Variants in ZNF836 observed in about 807,000 individuals in gnomAD.
The protein encoded by ZNF836 is zinc finger protein 836.
In ZNF836, 12 loss-of-function variants were observed where a neutral mutation model predicts 7.4. The ratio of observed to expected loss-of-function variants is 1.61; its 90% CI spans 1.03 to 2.61. The LOEUF (loss-of-function observed/expected upper bound fraction) is 2.61, where lower values mean the gene tolerates loss of function less well. ZNF836 is among the 30% of genes most tolerant of loss of function. ZNF836 has a pLI of 0.00. For missense variants in ZNF836, 998 were observed against 1,126.2 expected (o/e 0.89, Z 1.63); for synonymous variants, 365 against 382.6 (o/e 0.95, Z 0.54).
At chr19:52,162,803 C>T (rs1042534965) in intron 3 of ZNF836, among the ~76,000 whole-genome samples, 1 of 152,214 alleles carries the variant, frequency 6.6e-6, no homozygotes, top group Admixed American at 6.5e-5. Flanking sequence ...TGACGGCCCT[C>T]AGCAAACCTT....
intron 3 of ZNF836, among the ~76,000 whole-genome samples, chr19:52,164,448 A>AG (rs2089243212): frequency 1.1e-4 from 14 of 122,504 alleles, no homozygotes; most frequent in African/African-American, 4.5e-4. Flanking sequence ...AGAGAGAGAG[A>AG]AAAGGAAGGA....
At chr19:52,168,840 C>T (rs560557249) in intron 2 of ZNF836, among the ~76,000 whole-genome samples, 6 of 152,156 alleles carry the variant, frequency 3.9e-5, no homozygotes, top group East Asian at 3.9e-4. Context: ...GAAGACATTA[C>T]GCTAGGTGAA....
intron 3 of ZNF836, 44 bp downstream of exon 3, chr19:52,168,014 A>C: frequency 6.8e-7 from 1 of 1,479,474 alleles, no homozygotes; most frequent in Non-Finnish European, 9.4e-7. Flanking sequence ...GTCGCATTTC[A>C]AAAAGGAAGG....
chr19:52,164,357 C>T (rs1237992767), intron 3 of ZNF836, among the ~76,000 whole-genome samples: 1 of 143,664 alleles, frequency 7.0e-6, no homozygotes, highest in Non-Finnish European at 1.5e-5. Context: ...CGCACCATCG[C>T]ACTCCAGCCC....
At chr19:52,162,004 C>G (rs1006589094) in intron 3 of ZNF836, among the ~76,000 whole-genome samples, 3 of 152,162 alleles carry the variant, frequency 2.0e-5, no homozygotes, top group African/African-American at 4.8e-5. Flanking sequence ...AGGCTGAAAC[C>G]CAACAGGGCA....
In ZNF836 at chr19:52,155,801, G is replaced by A; in HGVS notation, c.1882C>T (p.His628Tyr). The A allele has an allele frequency of 6.2e-7, 1 of 1,614,008 alleles. No homozygotes were observed. Among genetic ancestry groups the A allele is most frequent in the Non-Finnish European group, 8.5e-7 (1 of 1,179,892 alleles). ...TTCTCTCCAGTATGAATTCTCTTAT[G>A]ATTTGAAAGGTTTCCACTGTCATTG... is the stretch of plus-strand genomic sequence containing the variant. ...VFNDSGNLSN[H>Y]KRIHTGEKPF... is the part of the protein sequence containing the mutation. Residue 628 changes from histidine (H) to tyrosine (Y), a missense_variant, in exon 5 of 5, where the codon CAT becomes TAT. Physicochemically the swap from His to Tyr is moderately conservative, Grantham distance 83. Coordinates refer to ENST00000682614, the MANE Select transcript of ZNF836 (RefSeq NM_001102657.3).
At chr19:52,169,350 C>T (rs539541706) in intron 2 of ZNF836, among the ~76,000 whole-genome samples, 1 of 152,142 alleles carries the variant, frequency 6.6e-6, no homozygotes, top group Non-Finnish European at 1.5e-5. Context: ...GAGGCCGAGG[C>T]CGGCAGATCA....
At position 52,156,843 on chromosome 19, in the gene ZNF836, G is replaced by A. The variant is rs1311318338; in HGVS notation, c.840C>T (p.Gly280=). 6.2e-7 allele frequency: 1 copy of A among 1,614,184 alleles called. No individual in the cohort carries two copies. Among genetic ancestry groups the A allele is most frequent in the East Asian group, 2.2e-5 (1 of 44,878 alleles). Residue 280 remains glycine (G), a synonymous_variant, in exon 5 of 5, where the codon GGC becomes GGT. Transcript: ENST00000682614. ...GATCTGAATTTTGTCTGAAGATCTT[G>A]CCACATACACCACATTGATATGGCT... ...RGKPYQCGVC[G]KIFRQNSDLV... is the part of the protein sequence containing the mutation.
chr19:52,157,772 T>C (rs956082271), intron 4 of ZNF836, among the ~76,000 whole-genome samples: 1 of 152,052 alleles, frequency 6.6e-6, no homozygotes, highest in African/African-American at 2.4e-5. Context: ...GGTTTCCCCA[T>C]ATTGGCCAGG....
At chr19:52,160,662 G>A in intron 3 of ZNF836, 71 bp from the exon 4 acceptor site, 1 of 1,504,508 alleles carries the variant, frequency 6.6e-7, no homozygotes, top group African/African-American at 1.4e-5. Flanking sequence ...GAGAAGAGGA[G>A]AGAACTGTCA....
chr19:52,160,435 T>A lies in ZNF836; in HGVS notation c.142+30A>T, dbSNP rs199551013. The A allele has an allele frequency of 3.0e-5, 48 of 1,613,994 alleles. No individual in the cohort carries two copies. In the East Asian group the frequency reaches 1.1e-3, roughly 36 times the overall value. On this transcript the variant is annotated intron_variant, in intron 4 of 4. Coordinates refer to ENST00000682614, the MANE Select transcript of ZNF836 (RefSeq NM_001102657.3). ...AAATACAAAAATACACGAGGGCAGA[T>A]CTTAACTTCTAGAGCAAAATTATCC...
intron 3 of ZNF836, among the ~76,000 whole-genome samples, chr19:52,162,762 A>G (rs182059095): frequency 6.6e-6 from 1 of 152,316 alleles, no homozygotes; most frequent in African/African-American, 2.4e-5. Flanking sequence ...ATTTCCCAGT[A>G]GATAACTTCA....
Position 52,154,834 on chromosome 19 carries a change from G to T in ZNF836, c.*38C>A. 6.9e-7 allele frequency: 1 copy of T among 1,444,174 alleles called. No homozygotes were observed. Among genetic ancestry groups the T allele is most frequent in the Non-Finnish European group, 9.2e-7 (1 of 1,091,060 alleles). The allele number at this position is 1,444,174 out of a possible 1,614,324, so 89.5% of individuals were successfully genotyped here. On this transcript the variant is annotated 3_prime_UTR_variant, in exon 5 of 5. Coordinates refer to ENST00000682614, the MANE Select transcript of ZNF836 (RefSeq NM_001102657.3). ...AAAATTCCACATGAGATTTCAGACG[G>T]AAGTGACAAATATACAAGCTATATC...
Position 52,160,505 on chromosome 19 carries a change from C to G in ZNF836, c.102G>C (p.Trp34Cys), listed in dbSNP as rs745367339. The change falls in exon 4 of 5, where the codon TGG (tryptophan) becomes TGC (cysteine). Residue 34 changes from tryptophan (W) to cysteine (C), a missense_variant. Physicochemically the swap from Trp to Cys is radical, Grantham distance 215. Coordinates refer to ENST00000682614, the MANE Select transcript of ZNF836 (RefSeq NM_001102657.3). Reference protein sequence around the residue: ...SLDPVQKALYWDVMLENYRNL... With the variant: ...SLDPVQKALYCDVMLENYRNL... ...TCCTGTAGTTCTCCAACATCACATC[C>G]CAGTACAAAGCTTTCTGCACAGGGT... 12 of 1,613,976 alleles carry G rather than the reference C, an allele frequency of 7.4e-6. No individual in the cohort carries two copies. The highest frequency in any genetic ancestry group is 1.0e-5 in the Non-Finnish European group (12 of 1,180,008).
intron 4 of ZNF836, 176 bp downstream of exon 4, chr19:52,160,289 T>G (rs1227173954): frequency 1.5e-6 from 1 of 689,164 alleles, no homozygotes; most frequent in East Asian, 2.7e-5. Flanking sequence ...AAAAAGGGGA[T>G]AGTGTGATGA....
chr19:52,155,322 A>G lies in ZNF836; in HGVS notation c.2361T>C (p.Phe787=). The G allele has an allele frequency of 6.2e-7, 1 of 1,613,894 alleles. No homozygotes were observed. Among genetic ancestry groups the G allele is most frequent in the Non-Finnish European group, 8.5e-7 (1 of 1,179,954 alleles). ...GACGTGCTAGTGTTGATTGATGACG[A>G]AAGACCTTGCCACATTCATTACATT... is the stretch of plus-strand genomic sequence containing the variant. ...PYKCNECGKV[F]RHQSTLARHR... The change falls in exon 5 of 5, where the codon TTT becomes TTC. Residue 787 remains phenylalanine (F), a synonymous_variant. Coordinates refer to ENST00000682614, the MANE Select transcript of ZNF836 (RefSeq NM_001102657.3).
intron 3 of ZNF836, among the ~76,000 whole-genome samples, chr19:52,166,376 A>G (rs2089263984): frequency 6.6e-6 from 1 of 152,092 alleles, no homozygotes; most frequent in Non-Finnish European, 1.5e-5. Flanking sequence ...TTGCTTATAA[A>G]TTTTATGGTA....
intron 3 of ZNF836, among the ~76,000 whole-genome samples, chr19:52,166,871 G>A (rs992497490): frequency 2.0e-5 from 3 of 151,550 alleles, no homozygotes; most frequent in African/African-American, 7.3e-5. Flanking sequence ...GAGCCACCGC[G>A]CCCGGCCTGT....
rs144033371 is a variant in ZNF836, at chr19:52,164,129, G to A, written c.16-3538C>T. Among the ~76,000 whole-genome samples the A allele has an allele frequency of 7.9e-4, 119 of 151,418 alleles. 1 individual carries two copies. The highest frequency in any genetic ancestry group is 2.4e-3 in the East Asian group (12 of 5,078). ...GTAATGGCCGGGTGCAGTGGCTCAC[G>A]ACCTGTAATCCCAGCACTTTGGGGA... On this transcript the variant is annotated intron_variant, in intron 3 of 4. Coordinates refer to ENST00000682614, the MANE Select transcript of ZNF836 (RefSeq NM_001102657.3).
Sources: gnomAD v4.1 joint callset for allele counts (sites outside exome capture counted in the v4.1 genomes callset) on GRCh38, gnomAD v4.1.1 for gene constraint, MANE v1.5 for transcripts, NCBI Gene and HGNC (gene_info 2026-07-23, HGNC 2026-07-21) for gene names.